Variants in TENM2 observed in about 807,000 individuals in gnomAD.
TENM2 encodes the protein teneurin transmembrane protein 2.
A neutral mutation model predicts 245.2 loss-of-function variants in TENM2; 52 were observed. The ratio of observed to expected loss-of-function variants is 0.21; its 90% CI spans 0.17 to 0.27. The LOEUF is 0.27. TENM2 is among the 10% of genes least tolerant of loss of function. The pLI is 1.00. For missense variants in TENM2, 3,046 were observed against 3,666.8 expected, an observed-to-expected ratio of 0.83 and a Z score of 4.37; for synonymous variants, 1,363 against 1,438.9, an observed-to-expected ratio of 0.95 and a Z score of 1.19.
intron 5 of TENM2, among the ~76,000 whole-genome samples, chr5:168,040,814 T>C (rs1021204909): frequency 4.6e-5 from 7 of 152,152 alleles, no homozygotes; most frequent in African/African-American, 1.7e-4. Flanking sequence ...CCCCAAAGGA[T>C]GACAAGCAAA....
At chr5:168,169,010 A>G (rs545876413) in intron 13 of TENM2, among the ~76,000 whole-genome samples, 1 of 152,328 alleles carries the variant, frequency 6.6e-6, no homozygotes, top group Non-Finnish European at 1.5e-5. Flanking sequence ...CCATCTACAA[A>G]GATGGATAAA....
At chr5:167,028,113 A>G in the TENM2 span, among the ~76,000 whole-genome samples, 1 of 150,652 alleles carries the variant, frequency 6.6e-6, no homozygotes, top group African/African-American at 2.4e-5. Flanking sequence ...GGGATGACAC[A>G]TTTATATTTT....
the TENM2 span, among the ~76,000 whole-genome samples, chr5:167,224,614 G>A: frequency 2.6e-5 from 4 of 151,978 alleles, no homozygotes; most frequent in Non-Finnish European, 5.9e-5. Flanking sequence ...TTGGGAGCCT[G>A]GTAGTGTGAT....
intron 2 of TENM2, among the ~76,000 whole-genome samples, chr5:167,750,156 G>C (rs914270221): frequency 6.6e-6 from 1 of 152,134 alleles, no homozygotes; most frequent in East Asian, 1.9e-4. Flanking sequence ...CGACGCTTTG[G>C]ATTAAACGAT....
chr5:167,018,927 A>C, the TENM2 span, among the ~76,000 whole-genome samples: 1 of 152,206 alleles, frequency 6.6e-6, no homozygotes, highest in Non-Finnish European at 1.5e-5. Flanking sequence ...GTTAGAATCA[A>C]ATGAGAGAAT....
intron 25 of TENM2, chr5:168,231,073 G>A (rs941708059): frequency 1.3e-4 from 20 of 152,274 alleles, no homozygotes; most frequent in African/African-American, 4.8e-4. Flanking sequence ...CAAGGGAAGA[G>A]AGTTTGGGTG....
At chr5:167,523,219 A>G (rs1386224434) in intron 2 of TENM2, among the ~76,000 whole-genome samples, 1 of 152,142 alleles carries the variant, frequency 6.6e-6, no homozygotes, top group African/African-American at 2.4e-5. Flanking sequence ...CTCTGTTGCC[A>G]CAGGAGGTAA....
chr5:167,091,870 G>A, the TENM2 span, among the ~76,000 whole-genome samples: 2 of 152,122 alleles, frequency 1.3e-5, no homozygotes, highest in East Asian at 1.9e-4. Flanking sequence ...TTTAAAAAAT[G>A]CAGTGTAAAG....
At chr5:168,234,971 C>T (rs956640218) in intron 25 of TENM2, among the ~76,000 whole-genome samples, 19 of 152,188 alleles carry the variant, frequency 1.2e-4, no homozygotes, top group Admixed American at 3.9e-4. Flanking sequence ...ATTGCAATTA[C>T]GTGTTGGCAT....
At chr5:168,118,562 AGTCCTGGGCTGCGT>A (rs1795255927) in intron 10 of TENM2, 76 bp downstream of exon 12, 1 of 1,151,784 alleles carries the variant, frequency 8.7e-7, no homozygotes, top group South Asian at 2.8e-5. Flanking sequence ...TAATGAGCCC[AGTCCTGGGCTGCGT>A]GTTTTGCAAG....
At chr5:167,504,072 C>A (rs934436192) in intron 2 of TENM2, among the ~76,000 whole-genome samples, 7 of 152,060 alleles carry the variant, frequency 4.6e-5, no homozygotes, top group Non-Finnish European at 8.8e-5. Flanking sequence ...AACTTGGGAA[C>A]TTCTTTATAT....
chr5:167,963,871 GACAA>G (rs1325272150), intron 4 of TENM2, among the ~76,000 whole-genome samples: 2 of 151,986 alleles, frequency 1.3e-5, no homozygotes, highest in Non-Finnish European at 2.9e-5. Context: ...TTTAACAAAA[GACAA>G]ACAAGCATAT....
chr5:167,162,801 G>A, the TENM2 span, among the ~76,000 whole-genome samples: 162 of 152,266 alleles, frequency 1.1e-3, no homozygotes, highest in African/African-American at 3.7e-3. Context: ...AGAAAAATGC[G>A]TAACTATGTG....
At chr5:167,275,357 C>G in the TENM2 span, among the ~76,000 whole-genome samples, 1 of 151,986 alleles carries the variant, frequency 6.6e-6, no homozygotes, top group Non-Finnish European at 1.5e-5. Flanking sequence ...TTGTGCCTTT[C>G]TATATATACT....
the TENM2 span, among the ~76,000 whole-genome samples, chr5:167,005,754 C>T: frequency 6.7e-6 from 1 of 149,256 alleles, no homozygotes; most frequent in Non-Finnish European, 1.5e-5. Context: ...CTCTGCCTCC[C>T]GGGTTCAAGT....
At chr5:167,028,440 A>C in the TENM2 span, among the ~76,000 whole-genome samples, 31 of 152,192 alleles carry the variant, frequency 2.0e-4, no homozygotes, top group East Asian at 5.8e-3. Context: ...ATGTTGATTT[A>C]CCCATGTTTT....
At chr5:167,019,591 C>G in the TENM2 span, among the ~76,000 whole-genome samples, 2 of 152,202 alleles carry the variant, frequency 1.3e-5, no homozygotes, top group East Asian at 3.9e-4. Context: ...CTGCCTCAGC[C>G]TGTTGGGTAG....
intron 1 of TENM2, among the ~76,000 whole-genome samples, chr5:167,301,440 G>A (rs1306449280): frequency 6.6e-6 from 1 of 152,136 alleles, no homozygotes; most frequent in Non-Finnish European, 1.5e-5. Flanking sequence ...GATGTGGCTG[G>A]GGTTTGTCTC....
At chr5:167,909,565 G>A (rs568184667) in intron 3 of TENM2, among the ~76,000 whole-genome samples, 34 of 152,156 alleles carry the variant, frequency 2.2e-4, no homozygotes, top group African/African-American at 8.2e-4. Flanking sequence ...GTACATTTTA[G>A]GTTAAGAGGT....
Sources: gnomAD v4.1 joint callset for allele counts (sites outside exome capture counted in the v4.1 genomes callset) on GRCh38, gnomAD v4.1.1 for gene constraint, MANE v1.5 for transcripts, NCBI Gene and HGNC (gene_info 2026-07-23, HGNC 2026-07-21) for gene names.